The following ROBO2 variants were observed in gnomAD, a reference collection of about 807,000 sequenced individuals.
ROBO2 encodes the protein roundabout homolog 2.
In ROBO2, 53 loss-of-function variants were observed where a neutral mutation model predicts 160.8. That is an observed-to-expected ratio of 0.33 (90% confidence interval 0.26 to 0.41). ROBO2 has a LOEUF of 0.41. Ranked by LOEUF, ROBO2 falls within the 10% of genes least tolerant of loss-of-function variation. ROBO2 has a pLI of 1.00. For synonymous variants in ROBO2, 664 were observed against 611.7 expected, an observed-to-expected ratio of 1.09 and a Z score of -1.26; for missense variants, 1,577 against 1,722.4, an observed-to-expected ratio of 0.92 and a Z score of 1.49.
chr3:76,984,119 A>C (rs188535677), intron 2 of ROBO2, among the ~76,000 whole-genome samples: 11 of 152,258 alleles, frequency 7.2e-5, no homozygotes, highest in African/African-American at 2.6e-4. Flanking sequence ...GCCCCCCGGG[A>C]TCCAGTTACC....
At chr3:77,009,963 A>AG (rs1048771952) in intron 2 of ROBO2, among the ~76,000 whole-genome samples, 6 of 151,330 alleles carry the variant, frequency 4.0e-5, no homozygotes, top group Non-Finnish European at 7.4e-5. Context: ...AAAAAAAAAA[A>AG]AAAAGTCACT....
intron 2 of ROBO2, among the ~76,000 whole-genome samples, chr3:77,436,516 G>T (rs1390620217): frequency 3.3e-5 from 5 of 151,720 alleles, no homozygotes; most frequent in Non-Finnish European, 7.4e-5. Flanking sequence ...GTAGGTGTCA[G>T]CCTGTATCAA....
intron 2 of ROBO2, among the ~76,000 whole-genome samples, chr3:77,339,968 C>A (rs900518037): frequency 6.6e-6 from 1 of 151,992 alleles, no homozygotes; most frequent in African/African-American, 2.4e-5. Flanking sequence ...ATGAGATGCC[C>A]CAAGTTGCAA....
intron 2 of ROBO2, among the ~76,000 whole-genome samples, chr3:76,237,621 G>A (rs1705023792): frequency 6.6e-6 from 1 of 152,164 alleles, no homozygotes; most frequent in Admixed American, 6.6e-5. Flanking sequence ...TACCTACTGA[G>A]CATCTTTTTC....
At chr3:76,774,535 G>A (rs543792597) in intron 2 of ROBO2, among the ~76,000 whole-genome samples, 27 of 150,906 alleles carry the variant, frequency 1.8e-4, no homozygotes, top group Admixed American at 1.7e-3. Flanking sequence ...TAGAAAGCAT[G>A]ATTTGTATTA....
intron 2 of ROBO2, among the ~76,000 whole-genome samples, chr3:76,462,345 C>T (rs1057068540): frequency 2.0e-5 from 3 of 152,034 alleles, no homozygotes; most frequent in East Asian, 1.9e-4. Flanking sequence ...CAGAAACATT[C>T]GAGCGATTTT....
chr3:76,563,406 T>C (rs2084320292), intron 2 of ROBO2, among the ~76,000 whole-genome samples: 1 of 152,212 alleles, frequency 6.6e-6, no homozygotes, highest in African/African-American at 2.4e-5. Context: ...TGATTGCTGC[T>C]TGTTGAGAAT....
intron 2 of ROBO2, among the ~76,000 whole-genome samples, chr3:76,111,540 A>G (rs1237394112): frequency 1.3e-5 from 2 of 152,118 alleles, no homozygotes; most frequent in Non-Finnish European, 2.9e-5. Flanking sequence ...AGCCAGTGCC[A>G]GAATTTTCTC....
At chr3:76,878,267 T>C (rs979767986) in intron 2 of ROBO2, among the ~76,000 whole-genome samples, 1 of 152,204 alleles carries the variant, frequency 6.6e-6, no homozygotes, top group Non-Finnish European at 1.5e-5. Context: ...TTAATGTATT[T>C]TTAATACTTT....
At chr3:75,969,771 T>C (rs2064937921) in intron 2 of ROBO2, among the ~76,000 whole-genome samples, 1 of 151,564 alleles carries the variant, frequency 6.6e-6, no homozygotes. Flanking sequence ...TTGTGTGAGA[T>C]TTTCATTTCA....
chr3:77,276,964 T>C (rs1435033362), intron 2 of ROBO2, among the ~76,000 whole-genome samples: 2 of 152,148 alleles, frequency 1.3e-5, no homozygotes, highest in African/African-American at 4.8e-5. Context: ...GCCCTCGTGA[T>C]TGAATTATCT....
chr3:75,958,008 G>T (rs1948780962), intron 2 of ROBO2, among the ~76,000 whole-genome samples: 1 of 151,528 alleles, frequency 6.6e-6, no homozygotes, highest in Admixed American at 6.6e-5. Context: ...CCTTCATGTG[G>T]AATCTTCAAT....
At chr3:77,077,671 C>T (rs1466499743) in intron 1 of ROBO2, among the ~76,000 whole-genome samples, 2 of 152,184 alleles carry the variant, frequency 1.3e-5, no homozygotes, top group Admixed American at 1.3e-4. Flanking sequence ...TCCAGATTTT[C>T]AAGGGTTTTG....
chr3:77,621,216 A>C (rs2094892906), intron 22 of ROBO2, among the ~76,000 whole-genome samples: 1 of 152,140 alleles, frequency 6.6e-6, no homozygotes, highest in Admixed American at 6.5e-5. Flanking sequence ...GCTTAAGCCC[A>C]GGAGTTTCAG....
chr3:77,550,904 A>G (rs1195704010), exon 8 of ROBO2: 5 of 1,612,988 alleles, frequency 3.1e-6, no homozygotes, highest in Non-Finnish European at 4.2e-6. Context: ...CCAACATTCA[A>G]CGTTCCGACG....
At chr3:76,602,966 C>T (rs191856650) in intron 2 of ROBO2, among the ~76,000 whole-genome samples, 3 of 152,136 alleles carry the variant, frequency 2.0e-5, no homozygotes, top group African/African-American at 7.2e-5. Context: ...TCCTCTCTAA[C>T]GTGCTCTCAA....
chr3:76,020,587 G>A (rs2066545340), intron 2 of ROBO2, among the ~76,000 whole-genome samples: 1 of 151,532 alleles, frequency 6.6e-6, no homozygotes, highest in Non-Finnish European at 1.5e-5. Flanking sequence ...ATATAACATA[G>A]GGACCTTAGA....
intron 2 of ROBO2, among the ~76,000 whole-genome samples, chr3:76,077,652 T>C (rs1196775216): frequency 6.6e-6 from 1 of 152,070 alleles, no homozygotes; most frequent in Admixed American, 6.5e-5. Context: ...TTTTTCCTAC[T>C]ATTATTTAAA....
intron 1 of ROBO2, among the ~76,000 whole-genome samples, chr3:77,068,430 C>G (rs1030087575): frequency 6.6e-6 from 1 of 151,940 alleles, no homozygotes; most frequent in Admixed American, 6.6e-5. Flanking sequence ...GAATCACCAC[C>G]CTATTAAGAA....
Sources: allele counts gnomAD v4.1 joint callset (sites outside exome capture counted in the v4.1 genomes callset), GRCh38; gene constraint gnomAD v4.1.1; transcripts MANE v1.5; gene names NCBI Gene and HGNC (gene_info 2026-07-23, HGNC 2026-07-21).